The following IQGAP1 variants were observed in gnomAD, a reference collection of about 807,000 sequenced individuals.
The protein encoded by IQGAP1 is ras GTPase-activating-like protein IQGAP1.
A neutral mutation model predicts 215.6 loss-of-function variants in IQGAP1; 66 were observed. That is an observed-to-expected ratio of 0.31 (90% CI 0.25 to 0.38). The LOEUF is 0.38. Among genes scored for constraint, IQGAP1 ranks in the 10% least tolerant of loss-of-function variants. IQGAP1 has a pLI of 1.00. For synonymous variants in IQGAP1, 772 were observed against 728.7 expected, an observed-to-expected ratio of 1.06 and a Z score of -0.96; for missense variants, 1,712 against 1,997.1, an observed-to-expected ratio of 0.86 and a Z score of 2.72.
rs528419356 is a variant in IQGAP1 at position 90,450,538 on chromosome 15, T to C, written c.1162+895T>C. ...TTTTTGAGGACTCTCCATCCTGTTT[T>C]CCGTAGCGGCTATAGTAATTTATAT... On this transcript the variant is annotated intron_variant, in intron 11 of 37. Coordinates refer to ENST00000268182, the MANE Select transcript of IQGAP1 (RefSeq NM_003870.4). 5.3e-5 allele frequency among the ~76,000 whole-genome samples: 8 copies of C among 151,994 alleles called. 1 individual carries two copies. In the South Asian group the frequency reaches 1.0e-3, roughly 20 times the overall value.
intron 7 of IQGAP1, among the ~76,000 whole-genome samples, chr15:90,441,107 CA>C (rs71723257): frequency 0.42 from 60,971 of 144,638 alleles, 13,964 homozygotes; most frequent in African/African-American, 0.65. Flanking sequence ...AACTCTGTCT[CA>C]AAAAAAAAAA....
chr15:90,483,628 G>C, intron 29 of IQGAP1, 35 bp downstream of exon 29: 1 of 1,433,296 alleles, frequency 7.0e-7, no homozygotes, highest in Non-Finnish European at 9.7e-7. Flanking sequence ...AAGAGAGTCT[G>C]TGGATGTATT....
At chr15:90,405,662 G>C (rs1964867204) in intron 2 of IQGAP1, among the ~76,000 whole-genome samples, 1 of 151,368 alleles carries the variant, frequency 6.6e-6, no homozygotes, top group South Asian at 2.1e-4. Flanking sequence ...CTTTGTCATA[G>C]ACTTGTAAAT....
intron 37 of IQGAP1, among the ~76,000 whole-genome samples, chr15:90,498,665 G>A (rs1013207797): frequency 1.1e-4 from 16 of 151,382 alleles, no homozygotes; most frequent in Non-Finnish European, 1.8e-4. Context: ...TTTTGGAGGG[G>A]GGGGCAGAGT....
At chr15:90,460,637 C>A (rs1467287529) in intron 15 of IQGAP1, among the ~76,000 whole-genome samples, 2 of 152,104 alleles carry the variant, frequency 1.3e-5, no homozygotes, top group African/African-American at 4.8e-5. Flanking sequence ...ACTGTTCTTA[C>A]TGAGTTTCAG....
intron 13 of IQGAP1, among the ~76,000 whole-genome samples, chr15:90,454,194 G>T (rs894628766): frequency 4.6e-5 from 7 of 152,116 alleles, no homozygotes; most frequent in African/African-American, 1.7e-4. Flanking sequence ...GGAATTGCTT[G>T]AACTGCTGCC....
intron 11 of IQGAP1, among the ~76,000 whole-genome samples, chr15:90,450,813 T>C (rs1965593128): frequency 7.1e-6 from 1 of 141,144 alleles, no homozygotes; most frequent in Admixed American, 6.8e-5. Flanking sequence ...GGGTTTTTTT[T>C]TGTTTTTTTT....
intron 15 of IQGAP1, among the ~76,000 whole-genome samples, chr15:90,465,671 A>ATTTTTGTTTGTT (rs1555439882): frequency 6.2e-4 from 55 of 89,220 alleles, no homozygotes; most frequent in African/African-American, 2.0e-3. Flanking sequence ...TGGCCAAGCT[A>ATTTTTGTTTGTT]TGTTTGTTTG....
chr15:90,474,963 C>T (rs1567138453), intron 23 of IQGAP1: 1 of 295,830 alleles, frequency 3.4e-6, no homozygotes, highest in Non-Finnish European at 6.3e-6. Flanking sequence ...GCACGTGACA[C>T]TATACCTGGC....
At chr15:90,477,383 T>G (rs1477854031) in intron 25 of IQGAP1, among the ~76,000 whole-genome samples, 153 bp downstream of exon 25, 1 of 152,116 alleles carries the variant, frequency 6.6e-6, no homozygotes, top group Non-Finnish European at 1.5e-5. Flanking sequence ...ATAACTGATA[T>G]AAAATCTTGC....
intron 9 of IQGAP1, among the ~76,000 whole-genome samples, chr15:90,444,983 C>T (rs552081444): frequency 1.3e-5 from 2 of 152,060 alleles, no homozygotes; most frequent in African/African-American, 2.4e-5. Flanking sequence ...ACTAGCTGGA[C>T]GTGGTGACAT....
At chr15:90,455,507 C>CA (rs1227688197) in intron 14 of IQGAP1, among the ~76,000 whole-genome samples, 1 of 152,182 alleles carries the variant, frequency 6.6e-6, no homozygotes, top group African/African-American at 2.4e-5. Flanking sequence ...CCCCCAGAGA[C>CA]AAAGACCAGC....
At chr15:90,398,545 G>A (rs1279033025) in intron 2 of IQGAP1, among the ~76,000 whole-genome samples, 1 of 152,072 alleles carries the variant, frequency 6.6e-6, no homozygotes, top group East Asian at 1.9e-4. Context: ...GATGTTCCTC[G>A]ATTTAGGAGG....
Position 90,477,234 on chromosome 15 carries a change from T to G in IQGAP1, c.3104+4T>G, listed in dbSNP as rs762855911. The G allele has an allele frequency of 6.2e-7, 1 of 1,613,470 alleles. No individual in the cohort carries two copies. Among genetic ancestry groups the G allele is most frequent in the Non-Finnish European group, 8.5e-7 (1 of 1,179,628 alleles). On this transcript the variant is annotated splice_donor_region_variant and intron_variant, in intron 25 of 37. Transcript: ENST00000268182. ...CAGCACTCCAAGAGGAAATCAAGTA[T>G]GAACAGATTTCCTCAGGGCACAGGC...
intron 4 of IQGAP1, among the ~76,000 whole-genome samples, chr15:90,432,421 G>T (rs1011807868): frequency 2.0e-5 from 3 of 152,066 alleles, no homozygotes; most frequent in African/African-American, 7.2e-5. Flanking sequence ...CATATGCTGT[G>T]TCCTGTCTCC....
At chr15:90,403,959 G>C (rs1249530878) in intron 2 of IQGAP1, among the ~76,000 whole-genome samples, 1 of 152,198 alleles carries the variant, frequency 6.6e-6, no homozygotes, top group African/African-American at 2.4e-5. Flanking sequence ...ACAGACATGA[G>C]CCACCGTTTT....
intron 34 of IQGAP1, chr15:90,491,752 C>G (rs1448577712): frequency 3.6e-6 from 2 of 553,174 alleles, no homozygotes; most frequent in African/African-American, 1.9e-5. Flanking sequence ...AGGGAGAGGA[C>G]CTTAACTGGA....
At chr15:90,451,607 C>G (rs1965605085) in intron 11 of IQGAP1, among the ~76,000 whole-genome samples, 1 of 152,094 alleles carries the variant, frequency 6.6e-6, no homozygotes, top group Non-Finnish European at 1.5e-5. Flanking sequence ...CACCACCACA[C>G]TGGGGATCAA....
At position 90,388,485 on chromosome 15, in the gene IQGAP1, G is replaced by T. The variant is rs542065659; in HGVS notation, c.55+89G>T. 1.1e-3 allele frequency: 1,250 copies of T among 1,154,474 alleles called. 14 individuals are homozygous for T. The African/African-American group carries it at 0.018, about 17-fold the overall frequency. 71.5% of individuals were successfully genotyped at this position (1,154,474 alleles called of 1,614,324 possible). A position where few individuals can be genotyped will look rare whatever the true frequency, so the allele number is the denominator to read the frequency against. On this transcript the variant is annotated intron_variant, in intron 1 of 37. Coordinates refer to ENST00000268182, the MANE Select transcript of IQGAP1 (RefSeq NM_003870.4). ...TTCCTGGGGGCTCGGCCGGGCGGGT[G>T]GGGCAGGGCGGCTGCCGGCAGCTCG...
Sources: gnomAD v4.1 joint callset for allele counts (sites outside exome capture counted in the v4.1 genomes callset) on GRCh38, gnomAD v4.1.1 for gene constraint, MANE v1.5 for transcripts, NCBI Gene and HGNC (gene_info 2026-07-23, HGNC 2026-07-21) for gene names.